The following RUFY1 variants were observed in gnomAD, a reference collection of about 807,000 sequenced individuals.
The protein encoded by RUFY1 is RUN and FYVE domain-containing protein 1.
Under a neutral mutation model 94.6 loss-of-function variants are expected in RUFY1, and 54 were observed. The observed-to-expected ratio is 0.57, with a 90% confidence interval of 0.46 to 0.72. RUFY1 has a LOEUF of 0.72. Ranked by LOEUF, RUFY1 falls within the 30% of genes least tolerant of loss-of-function variation. The pLI is 0.00. For missense variants in RUFY1, 883 were observed against 883.9 expected, an observed-to-expected ratio of 1.00 and a Z score of 0.01; for synonymous variants, 396 against 347.3, an observed-to-expected ratio of 1.14 and a Z score of -1.56.
At chr5:179,607,762 C>G in intron 17 of RUFY1, 103 bp downstream of exon 17, 1 of 1,000,122 alleles carries the variant, frequency 1.0e-6, no homozygotes, top group Non-Finnish European at 1.5e-6. Flanking sequence ...GCTCACTGCC[C>G]GGTGACTGTG....
chr5:179,564,351 C>G (rs1762665494), intron 3 of RUFY1, among the ~76,000 whole-genome samples: 2 of 151,468 alleles, frequency 1.3e-5, no homozygotes, highest in Admixed American at 1.3e-4. Flanking sequence ...AACTCCTGAC[C>G]TCAGGTGATC....
At chr5:179,589,793 C>A in intron 9 of RUFY1, 146 bp downstream of exon 9, 1 of 678,800 alleles carries the variant, frequency 1.5e-6, no homozygotes, top group Non-Finnish European at 2.7e-6. Flanking sequence ...ACTGCGGTCC[C>A]TGCCCACATC....
At position 179,577,147 on chromosome 5, in the gene RUFY1, C is replaced by A. The variant is rs376677199; in HGVS notation, c.890+11C>A. The A allele has an allele frequency of 8.8e-6, 5 of 570,250 alleles. No individual in the cohort carries two copies. Among genetic ancestry groups the A allele is most frequent in the African/African-American group, 2.3e-5 (1 of 43,044 alleles). The allele number at this position is 570,250 out of a possible 1,614,324, so 35.3% of individuals were successfully genotyped here. A position where few individuals can be genotyped will look rare whatever the true frequency, so the allele number is the denominator to read the frequency against. On this transcript the variant is annotated intron_variant, in intron 6 of 17. Coordinates refer to ENST00000319449, the MANE Select transcript of RUFY1 (RefSeq NM_025158.5). Reference sequence around the variant, plus strand: ...TGATGGTGGCAAGGAGTAAGTACTGCGTTGTATGTCACTTTTTTTTTTTTT... The same window carrying A: ...TGATGGTGGCAAGGAGTAAGTACTGAGTTGTATGTCACTTTTTTTTTTTTT...
At chr5:179,574,489 G>A (rs1231996135) in intron 5 of RUFY1, among the ~76,000 whole-genome samples, 1 of 152,144 alleles carries the variant, frequency 6.6e-6, no homozygotes, top group Non-Finnish European at 1.5e-5. Context: ...TATTTTTTCT[G>A]TGCAGGCTTG....
Position 179,569,284 on chromosome 5 carries a change from C to G in RUFY1, c.705-18C>G. 1 of 1,613,762 alleles carries G rather than the reference C, an allele frequency of 6.2e-7. No individual in the cohort carries two copies. ...AAGCTGTTTCTGAGCATCGCCCTGT[C>G]CTGTCCATCTCTTTCAGCGAGTTCT... is the stretch of plus-strand genomic sequence containing the variant. On this transcript the variant is annotated intron_variant, in intron 4 of 17. Transcript: ENST00000319449.
chr5:179,608,271 G>C (rs554470892), intron 17 of RUFY1: 1 of 986,822 alleles, frequency 1.0e-6, no homozygotes, highest in African/African-American at 1.8e-5. Context: ...TGTTCTGTCT[G>C]TTCCCATCAA....
intron 8 of RUFY1, among the ~76,000 whole-genome samples, chr5:179,587,332 ACATGAGT>A (rs1392049180): frequency 6.8e-6 from 1 of 148,082 alleles, no homozygotes; most frequent in African/African-American, 2.5e-5. Flanking sequence ...AGGATTACAG[ACATGAGT>A]CACTGAGCCC....
rs148003581 is a variant in RUFY1, at chr5:179,589,349, G to T, written c.1027-197G>T. The T allele has an allele frequency of 1.6e-4, 87 of 534,576 alleles. 1 individual carries two copies. The Middle Eastern group carries it at 2.6e-3, about 16-fold the overall frequency. 33.1% of individuals were successfully genotyped at this position (534,576 alleles called of 1,614,324 possible). A position where few individuals can be genotyped will look rare whatever the true frequency, so the allele number is the denominator to read the frequency against. ...GCAGAGATGGCTAGGGGCAAGGGCG[G>T]AGGAGAGATTTTACTACATACATTT... On this transcript the variant is annotated intron_variant, in intron 8 of 17. Transcript: ENST00000319449.
At chr5:179,559,791 G>A (rs1762296240) in intron 1 of RUFY1, 9 of 1,278,660 alleles carry the variant, frequency 7.0e-6, no homozygotes, top group African/African-American at 4.6e-5. Flanking sequence ...GGCCTCTGGA[G>A]CAGGAGGCCC....
chr5:179,551,106 T>G (rs1461984980), intron 1 of RUFY1, among the ~76,000 whole-genome samples: 1 of 151,920 alleles, frequency 6.6e-6, no homozygotes, highest in Non-Finnish European at 1.5e-5. Context: ...CACCCGCGCC[T>G]CTATGCTCTC....
In RUFY1 at chr5:179,600,684, C is replaced by CT. The variant is rs398000079; in HGVS notation, c.1762-1178dup. Among the ~76,000 whole-genome samples, 228 of 54,708 alleles carry CT rather than the reference C, an allele frequency of 4.2e-3. 50 individuals carry two copies. Among genetic ancestry groups the CT allele is most frequent in the Middle Eastern group, 0.036 (2 of 56 alleles). 35.9% of individuals were successfully genotyped at this position (54,708 alleles called of 152,430 possible). A position where few individuals can be genotyped will look rare whatever the true frequency, so the allele number is the denominator to read the frequency against. Reference sequence around the variant, plus strand: ...AGCCTCATTTGTCCTATGATGGTAACTTTTTTTTTTTTTTTTTTTTTTTTT... The same window carrying CT: ...AGCCTCATTTGTCCTATGATGGTAACTTTTTTTTTTTTTTTTTTTTTTTTTT... On this transcript the variant is annotated intron_variant, in intron 14 of 17. Transcript: ENST00000319449.
intron 17 of RUFY1, 80 bp from the exon 18 acceptor site, chr5:179,609,296 C>A: frequency 6.8e-7 from 1 of 1,478,868 alleles, no homozygotes. Flanking sequence ...AAATGATGCG[C>A]TTCTGGGTCA....
intron 5 of RUFY1, among the ~76,000 whole-genome samples, chr5:179,570,655 AAAG>A (rs1763161580): frequency 6.6e-6 from 1 of 152,188 alleles, no homozygotes; most frequent in African/African-American, 2.4e-5. Context: ...TGCCCAGAAA[AAAG>A]AGATTATTTT....
intron 5 of RUFY1, among the ~76,000 whole-genome samples, chr5:179,574,652 TTTCA>T (rs1158350218): frequency 6.6e-6 from 1 of 151,944 alleles, no homozygotes; most frequent in Non-Finnish European, 1.5e-5. Flanking sequence ...TTAGAAACCA[TTTCA>T]TTCAGCTCTA....
intron 5 of RUFY1, among the ~76,000 whole-genome samples, chr5:179,575,500 CAA>C (rs1265152194): frequency 6.6e-6 from 1 of 152,172 alleles, no homozygotes; most frequent in African/African-American, 2.4e-5. Flanking sequence ...GCATATGCCT[CAA>C]GAGAAAGAGC....
chr5:179,562,713 A>C (rs749442761), intron 3 of RUFY1, 49 bp downstream of exon 3: 2 of 964,954 alleles, frequency 2.1e-6, no homozygotes, highest in Non-Finnish European at 1.7e-6. Context: ...AAACTCCCTC[A>C]TATTTACTCA....
intron 5 of RUFY1, among the ~76,000 whole-genome samples, chr5:179,576,725 C>T (rs1397867941): frequency 6.6e-6 from 1 of 152,246 alleles, no homozygotes; most frequent in African/African-American, 2.4e-5. Context: ...CTGGCCAGGT[C>T]ACCACTTTAG....
Position 179,593,382 on chromosome 5 carries a change from A to T in RUFY1, c.1246-96A>T, listed in dbSNP as rs1765267912. ...GCATGAGCCACCACACCCAGCCTTC[A>T]GTTTGTATTTTAAGCATTACCTGAG... On this transcript the variant is annotated intron_variant, in intron 10 of 17. Transcript: ENST00000319449. The T allele has an allele frequency of 7.0e-7, 1 of 1,421,314 alleles. No individual in the cohort carries two copies. Among genetic ancestry groups the T allele is most frequent in the Admixed American group, 2.0e-5 (1 of 50,558 alleles). 88.0% of individuals were successfully genotyped at this position (1,421,314 alleles called of 1,614,324 possible).
At chr5:179,580,902 C>T (rs768232819) in intron 6 of RUFY1, 45 bp from the exon 7 acceptor site, 2 of 1,051,600 alleles carry the variant, frequency 1.9e-6, no homozygotes, top group East Asian at 2.4e-5. Context: ...AAAGTATTAA[C>T]CATTAATAAA....
Sources: gnomAD v4.1 joint callset for allele counts (sites outside exome capture counted in the v4.1 genomes callset) on GRCh38, gnomAD v4.1.1 for gene constraint, MANE v1.5 for transcripts, NCBI Gene and HGNC (gene_info 2026-07-23, HGNC 2026-07-21) for gene names.